FAM135A: variants seen among roughly 807,000 people sequenced by gnomAD.
FAM135A encodes family with sequence similarity 135 member A.
In FAM135A, 79 loss-of-function variants were observed where a neutral mutation model predicts 146.8. The ratio of observed to expected loss-of-function variants is 0.54; its 90% confidence interval spans 0.45 to 0.65. The LOEUF is 0.65. FAM135A is among the 30% of genes least tolerant of loss of function. The pLI is 0.00. For missense variants in FAM135A, 1,623 were observed against 1,758.2 expected (o/e 0.92, Z 1.38); for synonymous variants, 562 against 603.6 (o/e 0.93, Z 1.01).
intron 4 of FAM135A, among the ~76,000 whole-genome samples, chr6:70,434,098 C>T (rs1042272871): frequency 2.0e-5 from 3 of 152,054 alleles, no homozygotes; most frequent in African/African-American, 7.2e-5. Flanking sequence ...TATAAATTAT[C>T]TTAAGATTTG....
intron 12 of FAM135A, among the ~76,000 whole-genome samples, chr6:70,514,527 C>T (rs1791756450): frequency 6.6e-6 from 1 of 152,096 alleles, no homozygotes; most frequent in South Asian, 2.1e-4. Flanking sequence ...AAAATCTGAA[C>T]GAACTGAAAA....
intron 5 of FAM135A, among the ~76,000 whole-genome samples, chr6:70,458,128 A>ATC (rs141997744): frequency 0.27 from 40,778 of 151,926 alleles, 7,028 homozygotes; most frequent in African/African-American, 0.49. Flanking sequence ...TGAAAATATT[A>ATC]TCTGTGTATT....
chr6:70,543,133 T>C (rs1798237662), intron 20 of FAM135A, among the ~76,000 whole-genome samples: 1 of 152,186 alleles, frequency 6.6e-6, no homozygotes, highest in Non-Finnish European at 1.5e-5. Flanking sequence ...TTTAATATTA[T>C]TTTCAATATT....
intron 4 of FAM135A, among the ~76,000 whole-genome samples, chr6:70,446,718 T>C (rs1775835995): frequency 1.3e-5 from 2 of 152,208 alleles, no homozygotes; most frequent in South Asian, 2.1e-4. Flanking sequence ...ATAAGGATAA[T>C]TGTTCTCTGT....
At chr6:70,510,524 C>G (rs1007278799) in intron 12 of FAM135A, among the ~76,000 whole-genome samples, 1 of 152,052 alleles carries the variant, frequency 6.6e-6, no homozygotes, top group African/African-American at 2.4e-5. Flanking sequence ...TAAATGTAAT[C>G]ATACAACATT....
chr6:70,423,312 G>A (rs1769282419), intron 2 of FAM135A, among the ~76,000 whole-genome samples: 1 of 152,182 alleles, frequency 6.6e-6, no homozygotes, highest in East Asian at 1.9e-4. Context: ...ACAGAGGAGA[G>A]AGACAAAAGC....
At chr6:70,465,524 G>C (rs1399499521) in intron 5 of FAM135A, among the ~76,000 whole-genome samples, 1 of 152,022 alleles carries the variant, frequency 6.6e-6, no homozygotes, top group African/African-American at 2.4e-5. Flanking sequence ...AGCTTAAGTA[G>C]TCCTCCTACC....
Position 70,416,083 on chromosome 6 carries a change from T to G in FAM135A, c.-134+707T>G, listed in dbSNP as rs544500498. ...AAAGTCTAGTAGAATGCTGGTGAAC[T>G]GTGGACTAGCACTCTATTAGACTTT... is the stretch of plus-strand genomic sequence containing the variant. On this transcript the variant is annotated intron_variant, in intron 2 of 21. Transcript: ENST00000418814. Among the ~76,000 whole-genome samples the G allele has an allele frequency of 3.3e-5, 5 of 152,340 alleles. No homozygotes were observed. The South Asian group carries it at 1.0e-3, about 32-fold the overall frequency.
At chr6:70,419,872 A>G (rs1768417170) in intron 2 of FAM135A, among the ~76,000 whole-genome samples, 2 of 152,196 alleles carry the variant, frequency 1.3e-5, no homozygotes, top group African/African-American at 4.8e-5. Flanking sequence ...AGGTGAAGAA[A>G]TCGAATTTTT....
intron 5 of FAM135A, among the ~76,000 whole-genome samples, chr6:70,460,176 A>C (rs946536870): frequency 1.3e-5 from 2 of 152,208 alleles, no homozygotes; most frequent in South Asian, 4.1e-4. Flanking sequence ...TGTTATGATA[A>C]AAAGACTATT....
intron 5 of FAM135A, among the ~76,000 whole-genome samples, chr6:70,455,978 A>G (rs929685468): frequency 6.6e-6 from 1 of 152,128 alleles, no homozygotes; most frequent in African/African-American, 2.4e-5. Flanking sequence ...CAGCCTCCCA[A>G]GTAGCTGGGA....
intron 19 of FAM135A, among the ~76,000 whole-genome samples, chr6:70,537,505 A>C (rs1202370804): frequency 6.6e-6 from 1 of 152,214 alleles, no homozygotes; most frequent in Non-Finnish European, 1.5e-5. Flanking sequence ...AGAAAAATGA[A>C]GTCCTTAAAT....
intron 11 of FAM135A, among the ~76,000 whole-genome samples, chr6:70,502,161 CTA>C (rs1561925548): frequency 6.6e-6 from 1 of 152,098 alleles, no homozygotes; most frequent in Non-Finnish European, 1.5e-5. Context: ...GAGAAAAGGA[CTA>C]TTTCAGAAAG....
At chr6:70,520,567 T>C (rs1793338534) in intron 12 of FAM135A, among the ~76,000 whole-genome samples, 2 of 152,218 alleles carry the variant, frequency 1.3e-5, no homozygotes, top group African/African-American at 4.8e-5. Flanking sequence ...TCCTCCTAGC[T>C]TTTGAATAAG....
chr6:70,514,483 G>A (rs1373941794), intron 12 of FAM135A, among the ~76,000 whole-genome samples: 1 of 152,146 alleles, frequency 6.6e-6, no homozygotes, highest in Non-Finnish European at 1.5e-5. Flanking sequence ...GCATGGAAGA[G>A]CTTTGGAAGT....
At chr6:70,477,769 T>A (rs1483280216) in intron 8 of FAM135A, among the ~76,000 whole-genome samples, 1 of 152,202 alleles carries the variant, frequency 6.6e-6, no homozygotes, top group Non-Finnish European at 1.5e-5. Flanking sequence ...AGCATTTTTT[T>A]ATTTTTATAG....
At chr6:70,413,926 G>T in intron 1 of FAM135A, 1 of 985,360 alleles carries the variant, frequency 1.0e-6, no homozygotes, top group Non-Finnish European at 1.2e-6. Flanking sequence ...GCGAGGGGCC[G>T]CGGCGCGCTG....
intron 2 of FAM135A, among the ~76,000 whole-genome samples, chr6:70,420,335 G>A (rs1221084849): frequency 6.6e-6 from 1 of 152,214 alleles, no homozygotes; most frequent in Non-Finnish European, 1.5e-5. Flanking sequence ...GTGTCTCTTA[G>A]TTTTGGATGT....
chr6:70,526,866 G>A (rs1561981465), intron 15 of FAM135A, among the ~76,000 whole-genome samples, 168 bp downstream of exon 15: 1 of 151,402 alleles, frequency 6.6e-6, no homozygotes, highest in East Asian at 1.9e-4. Context: ...TCTGGTTTCT[G>A]TAATACAAAA....
Sources: gnomAD v4.1 joint callset for allele counts (sites outside exome capture counted in the v4.1 genomes callset) on GRCh38, gnomAD v4.1.1 for gene constraint, MANE v1.5 for transcripts, NCBI Gene and HGNC (gene_info 2026-07-23, HGNC 2026-07-21) for gene names.